Variants in RHPN2 observed in about 807,000 individuals in gnomAD.
RHPN2 encodes rhophilin-2.
RHPN2 carries 40 observed loss-of-function variants against 79.0 expected under a neutral mutation model. The ratio of observed to expected loss-of-function variants is 0.51; its 90% CI spans 0.39 to 0.66. RHPN2 has a LOEUF of 0.66. Among genes scored for constraint, RHPN2 ranks in the 30% least tolerant of loss-of-function variants. RHPN2 has a pLI of 0.00. For synonymous variants in RHPN2, 285 were observed against 363.5 expected (o/e 0.78, Z 2.46); for missense variants, 686 against 883.5 (o/e 0.78, Z 2.83).
At chr19:33,035,758 A>T (rs1292264978) in intron 2 of RHPN2, among the ~76,000 whole-genome samples, 1 of 152,132 alleles carries the variant, frequency 6.6e-6, no homozygotes, top group Non-Finnish European at 1.5e-5. Context: ...ACAGACCCAG[A>T]CCTGGGAGTG....
At chr19:33,054,362 G>A (rs746456144) in intron 1 of RHPN2, among the ~76,000 whole-genome samples, 4 of 151,526 alleles carry the variant, frequency 2.6e-5, no homozygotes, top group Non-Finnish European at 4.4e-5. Flanking sequence ...CACCACACCC[G>A]ACTAATTTTG....
chr19:33,035,206 A>T (rs541611459), intron 2 of RHPN2, among the ~76,000 whole-genome samples: 1 of 152,170 alleles, frequency 6.6e-6, no homozygotes, highest in African/African-American at 2.4e-5. Context: ...ACCTCAAGTG[A>T]TCCACCTGCC....
chr19:33,021,574 G>C lies in RHPN2; in HGVS notation c.387C>G (p.Leu129=), dbSNP rs1199885047. The C allele has an allele frequency of 6.2e-7, 1 of 1,613,130 alleles. No homozygotes were observed. The highest frequency in any genetic ancestry group is 1.3e-5 in the African/African-American group (1 of 74,908). ...ETKDVDFAVV[L]KDFILEHYSE... ...TGCCCATGGCTTTGAGATTTACCTT[G>C]AGGACGACTGCAAAGTCGACGTCTT... The change falls in exon 4 of 15, where the codon CTC becomes CTG. Residue 129 remains leucine (L), a synonymous_variant. Coordinates refer to ENST00000254260, the MANE Select transcript of RHPN2 (RefSeq NM_033103.5).
intron 2 of RHPN2, among the ~76,000 whole-genome samples, chr19:33,031,919 C>T (rs1219918159): frequency 6.6e-6 from 1 of 151,440 alleles, no homozygotes; most frequent in African/African-American, 2.4e-5. Context: ...GGGGTTTCAC[C>T]ATGTTAGCCA....
chr19:32,982,182 C>T (rs1971580293), intron 14 of RHPN2, among the ~76,000 whole-genome samples: 3 of 152,038 alleles, frequency 2.0e-5, no homozygotes, highest in African/African-American at 7.2e-5. Context: ...CTGAGTTGGG[C>T]AGATCACTTG....
chr19:33,023,800 GA>G (rs1971944931), intron 3 of RHPN2, among the ~76,000 whole-genome samples: 1 of 138,936 alleles, frequency 7.2e-6, no homozygotes, highest in Non-Finnish European at 1.5e-5. Context: ...AAAAAAAAAA[GA>G]AAAAAAAGAA....
chr19:32,996,590 T>C (rs777378910), intron 10 of RHPN2: 6 of 350,188 alleles, frequency 1.7e-5, no homozygotes, highest in Non-Finnish European at 2.8e-5. Context: ...TATCTCTTAG[T>C]GATAGTTTAA....
intron 14 of RHPN2, among the ~76,000 whole-genome samples, chr19:32,984,053 C>G (rs1471361088): frequency 6.6e-6 from 1 of 152,212 alleles, no homozygotes; most frequent in African/African-American, 2.4e-5. Flanking sequence ...CTTCCATCCT[C>G]TGGATGAGAA....
chr19:33,031,323 C>CT, intron 2 of RHPN2, among the ~76,000 whole-genome samples: 1 of 150,184 alleles, frequency 6.7e-6, no homozygotes, highest in South Asian at 2.1e-4. Context: ...TGCAGTGGCA[C>CT]ATCATGGCTT....
chr19:33,044,980 T>C (rs112056118), intron 1 of RHPN2, among the ~76,000 whole-genome samples: 2,898 of 151,844 alleles, frequency 0.019, 51 homozygotes, highest in Non-Finnish European at 0.024. Context: ...GCCAGCCCAA[T>C]CATCCTCCAG....
chr19:32,986,463 C>A (rs540223436), intron 14 of RHPN2, among the ~76,000 whole-genome samples: 1 of 152,276 alleles, frequency 6.6e-6, no homozygotes, highest in African/African-American at 2.4e-5. Flanking sequence ...GATCCCTTCT[C>A]CCAAGATGCT....
chr19:33,061,155 G>A (rs957743292), intron 1 of RHPN2, among the ~76,000 whole-genome samples: 2 of 151,456 alleles, frequency 1.3e-5, no homozygotes, highest in Admixed American at 6.6e-5. Flanking sequence ...CAAGTCCACA[G>A]CTCTGTCCAA....
intron 10 of RHPN2, among the ~76,000 whole-genome samples, chr19:32,997,763 T>C (rs552593076): frequency 4.6e-5 from 7 of 152,282 alleles, no homozygotes; most frequent in Admixed American, 3.3e-4. Flanking sequence ...AGTGCTGGGA[T>C]TGCAGGTGTG....
chr19:33,050,603 C>A (rs1191285137), intron 1 of RHPN2, among the ~76,000 whole-genome samples: 1 of 152,126 alleles, frequency 6.6e-6, no homozygotes, highest in African/African-American at 2.4e-5. Context: ...AGGATGTAGA[C>A]TTTTATGTCT....
At chr19:33,056,867 T>C (rs1270277663) in intron 1 of RHPN2, among the ~76,000 whole-genome samples, 1 of 149,208 alleles carries the variant, frequency 6.7e-6, no homozygotes. Context: ...CCCAGCACTT[T>C]GGGAAGCCGA....
At chr19:33,063,960 G>C (rs947319230) in intron 1 of RHPN2, among the ~76,000 whole-genome samples, 1 of 152,228 alleles carries the variant, frequency 6.6e-6, no homozygotes, top group Non-Finnish European at 1.5e-5. Context: ...GCGGAGGAGG[G>C]TGCAACGCCG....
chr19:33,051,967 GGTGACAGA>G (rs1972191901), intron 1 of RHPN2, among the ~76,000 whole-genome samples: 1 of 149,504 alleles, frequency 6.7e-6, no homozygotes, highest in South Asian at 2.1e-4. Flanking sequence ...CTCCTGCCTG[GGTGACAGA>G]GTGAGACCCT....
Position 33,026,649 on chromosome 19 carries a change from G to A in RHPN2, c.186-17C>T, listed in dbSNP as rs756444182. The A allele has an allele frequency of 3.1e-6, 5 of 1,602,284 alleles. No homozygotes were observed. In the Admixed American group the frequency reaches 6.7e-5, roughly 21 times the overall value. ...GTGGCCACTCTGTTCAAAGAGAAGA[G>A]GGAGAGAAGTGCCCTCAGCCAGGTA... On this transcript the variant is annotated splice_polypyrimidine_tract_variant and intron_variant, in intron 2 of 14. Coordinates refer to ENST00000254260, the MANE Select transcript of RHPN2 (RefSeq NM_033103.5).
At chr19:33,023,583 C>T (rs940387381) in intron 3 of RHPN2, among the ~76,000 whole-genome samples, 25 of 151,360 alleles carry the variant, frequency 1.7e-4, no homozygotes, top group African/African-American at 6.1e-4. Flanking sequence ...GTCAGGAGAT[C>T]GAGACCATCC....
Sources: allele counts gnomAD v4.1 joint callset (sites outside exome capture counted in the v4.1 genomes callset), GRCh38; gene constraint gnomAD v4.1.1; transcripts MANE v1.5; gene names NCBI Gene and HGNC (gene_info 2026-07-23, HGNC 2026-07-21).